The following SPAG16 variants were observed in gnomAD, a reference collection of about 807,000 sequenced individuals.
The protein encoded by SPAG16 is sperm-associated antigen 16 protein.
SPAG16 carries 86 observed loss-of-function variants against 80.4 expected under a neutral mutation model. The ratio of observed to expected loss-of-function variants is 1.07; its 90% CI spans 0.90 to 1.28. The LOEUF is 1.28. SPAG16 is among the 50% of genes most tolerant of loss of function. The pLI is 0.00. For missense variants in SPAG16, 870 were observed against 765.3 expected, an observed-to-expected ratio of 1.14 and a Z score of -1.61; for synonymous variants, 294 against 265.9, an observed-to-expected ratio of 1.11 and a Z score of -1.03.
intron 3 of SPAG16, among the ~76,000 whole-genome samples, chr2:213,303,017 A>G (rs1171774025): frequency 6.6e-6 from 1 of 152,116 alleles, no homozygotes; most frequent in Non-Finnish European, 1.5e-5. Context: ...AAATTTATTG[A>G]CCAAAAAAAC....
chr2:214,095,405 C>T (rs1401437611), intron 13 of SPAG16, among the ~76,000 whole-genome samples: 10 of 152,086 alleles, frequency 6.6e-5, no homozygotes, highest in South Asian at 2.1e-4. Flanking sequence ...CTATCATACA[C>T]GGTGACTGGT....
chr2:213,723,800 G>A (rs562999411), intron 10 of SPAG16, among the ~76,000 whole-genome samples: 33 of 152,198 alleles, frequency 2.2e-4, no homozygotes, highest in Non-Finnish European at 4.4e-4. Context: ...ACAGACTCTC[G>A]GTTTGTATAC....
chr2:213,287,533 T>C (rs2062099428), intron 1 of SPAG16, among the ~76,000 whole-genome samples: 2 of 152,226 alleles, frequency 1.3e-5, no homozygotes, highest in African/African-American at 4.8e-5. Context: ...GTATTGTTTT[T>C]GTTACATACC....
chr2:213,910,290 A>C (rs1219510735), intron 11 of SPAG16, among the ~76,000 whole-genome samples: 1 of 152,226 alleles, frequency 6.6e-6, no homozygotes, highest in African/African-American at 2.4e-5. Flanking sequence ...ACTATTCTAC[A>C]TAAGAACTTA....
chr2:214,078,964 G>A (rs1336775826), intron 13 of SPAG16, among the ~76,000 whole-genome samples: 3 of 152,110 alleles, frequency 2.0e-5, no homozygotes, highest in African/African-American at 7.2e-5. Flanking sequence ...AGTAGAAAAA[G>A]GCAGCAACAA....
At chr2:214,270,706 AGT>A (rs1691927509) in intron 15 of SPAG16, among the ~76,000 whole-genome samples, 1 of 152,114 alleles carries the variant, frequency 6.6e-6, no homozygotes. Context: ...ATGCTTGATT[AGT>A]CCCGTGGTTG....
chr2:213,342,833 T>A (rs1485885983), intron 6 of SPAG16, among the ~76,000 whole-genome samples: 1 of 151,820 alleles, frequency 6.6e-6, no homozygotes, highest in Non-Finnish European at 1.5e-5. Flanking sequence ...CCGTGATGCC[T>A]AAGAGAAGAC....
At chr2:214,148,128 A>C (rs2055755024) in intron 14 of SPAG16, among the ~76,000 whole-genome samples, 1 of 152,198 alleles carries the variant, frequency 6.6e-6, no homozygotes, top group Admixed American at 6.5e-5. Context: ...TGATGATTTT[A>C]ATGTGGCCAA....
At chr2:214,379,952 A>G (rs1700353340) in intron 15 of SPAG16, among the ~76,000 whole-genome samples, 1 of 152,214 alleles carries the variant, frequency 6.6e-6, no homozygotes, top group African/African-American at 2.4e-5. Flanking sequence ...TCTCCAGGAA[A>G]CAGCTCCAGA....
chr2:213,828,634 C>A (rs1315856197), intron 10 of SPAG16, among the ~76,000 whole-genome samples: 2 of 152,134 alleles, frequency 1.3e-5, no homozygotes, highest in Admixed American at 1.3e-4. Flanking sequence ...ATCGTTTTCA[C>A]AGTCTGGGTT....
intron 13 of SPAG16, among the ~76,000 whole-genome samples, chr2:214,087,270 C>G (rs1390309382): frequency 6.6e-6 from 1 of 152,058 alleles, no homozygotes; most frequent in African/African-American, 2.4e-5. Context: ...AAAAAATGTA[C>G]AGACACACAT....
chr2:214,232,681 ATC>A (rs917396462), intron 15 of SPAG16, among the ~76,000 whole-genome samples: 2 of 152,038 alleles, frequency 1.3e-5, no homozygotes, highest in African/African-American at 4.8e-5. Context: ...TTCTTTAAAT[ATC>A]TCTAGTGTCA....
At chr2:213,492,811 A>G (rs935009525) in intron 10 of SPAG16, among the ~76,000 whole-genome samples, 1 of 152,084 alleles carries the variant, frequency 6.6e-6, no homozygotes, top group African/African-American at 2.4e-5. Context: ...AAAATATAGC[A>G]GTAAAAGTAA....
intron 10 of SPAG16, among the ~76,000 whole-genome samples, chr2:213,670,420 A>G (rs1559360958): frequency 6.6e-6 from 1 of 152,094 alleles, no homozygotes; most frequent in African/African-American, 2.4e-5. Context: ...TCATATCACA[A>G]ACTTTTTTTT....
At chr2:213,408,232 C>T (rs1317029662) in intron 9 of SPAG16, among the ~76,000 whole-genome samples, 1 of 152,188 alleles carries the variant, frequency 6.6e-6, no homozygotes, top group Admixed American at 6.5e-5. Flanking sequence ...CCAATACCAC[C>T]TTGTTGTAAG....
intron 10 of SPAG16, among the ~76,000 whole-genome samples, chr2:213,729,402 A>G (rs757401606): frequency 4.6e-5 from 7 of 152,216 alleles, no homozygotes; most frequent in Non-Finnish European, 1.0e-4. Flanking sequence ...ATACAAAGCT[A>G]ATAAAATGTA....
chr2:213,387,101 T>A (rs2125270825), intron 9 of SPAG16, among the ~76,000 whole-genome samples: 1 of 152,254 alleles, frequency 6.6e-6, no homozygotes, highest in African/African-American at 2.4e-5. Flanking sequence ...GTAATATTTA[T>A]ACATAGAATT....
chr2:213,666,862 G>C (rs2063624351), intron 10 of SPAG16, among the ~76,000 whole-genome samples: 1 of 152,142 alleles, frequency 6.6e-6, no homozygotes, highest in South Asian at 2.1e-4. Flanking sequence ...TGGCTTAAGA[G>C]AGTAGCAATT....
At chr2:213,793,798 T>A (rs976853268) in intron 10 of SPAG16, among the ~76,000 whole-genome samples, 1 of 152,196 alleles carries the variant, frequency 6.6e-6, no homozygotes, top group African/African-American at 2.4e-5. Flanking sequence ...AGTTTGGATA[T>A]CCCAGAAGTC....
Sources: allele counts gnomAD v4.1 joint callset (sites outside exome capture counted in the v4.1 genomes callset), GRCh38; gene constraint gnomAD v4.1.1; transcripts MANE v1.5; gene names NCBI Gene and HGNC (gene_info 2026-07-23, HGNC 2026-07-21).